CNTLN: variants seen among roughly 807,000 people sequenced by gnomAD.
CNTLN encodes centlein, centrosomal protein.
In CNTLN, 212 loss-of-function variants were observed where a neutral mutation model predicts 180.0. The ratio of observed to expected loss-of-function variants is 1.18; its 90% CI spans 1.05 to 1.32. The LOEUF is 1.32. CNTLN is among the 40% of genes most tolerant of loss of function. The pLI, the probability that CNTLN is intolerant of heterozygous loss-of-function variation, is 0.00. For synonymous variants in CNTLN, 722 were observed against 563.1 expected (o/e 1.28, Z -3.99); for missense variants, 2,095 against 1,610.9 (o/e 1.30, Z -5.14).
intron 18 of CNTLN, among the ~76,000 whole-genome samples, chr9:17,421,345 T>A (rs1230674057): frequency 1.3e-5 from 2 of 152,102 alleles, no homozygotes; most frequent in African/African-American, 4.8e-5. Context: ...CTCTTTATAT[T>A]TTTTTGTCTC....
In CNTLN at chr9:17,298,268, G is replaced by T. The variant is rs201918439; in HGVS notation, c.1062G>T (p.Gln354His). 2.5e-6 allele frequency: 4 copies of T among 1,613,642 alleles called. No individual in the cohort carries two copies. The highest frequency in any genetic ancestry group is 3.4e-6 in the Non-Finnish European group (4 of 1,179,846). The change falls in exon 7 of 26, where the codon CAG (glutamine) becomes CAT (histidine). Residue 354 changes from glutamine to histidine, a missense_variant. Gln to His is a conservative substitution (Grantham distance 24). Coordinates refer to ENST00000380647, the MANE Select transcript of CNTLN (RefSeq NM_017738.4). ...CCCAGCAAGCAGAGCTGATCCAGCA[G>T]CTTCAGGTTCTCAATATGGACACAC... Reference protein sequence around the residue: ...HTAQQAELIQQLQVLNMDTQK... With the variant: ...HTAQQAELIQHLQVLNMDTQK...
Position 17,173,945 on chromosome 9 carries a change from C to T in CNTLN, c.449+30569C>T, listed in dbSNP as rs1189235468. Among the ~76,000 whole-genome samples the T allele has an allele frequency of 2.6e-5, 4 of 152,192 alleles. No individual in the cohort carries two copies. The South Asian group carries it at 6.2e-4, about 24-fold the overall frequency. ...TACAGTCAATGCAGAACAATTCTGT[C>T]ACCATAAGGACCCCTTTTATAACCC... On this transcript the variant is annotated intron_variant, in intron 2 of 25. Coordinates refer to ENST00000380647, the MANE Select transcript of CNTLN (RefSeq NM_017738.4).
chr9:17,305,510 A>T (rs3808791), intron 7 of CNTLN, among the ~76,000 whole-genome samples: 33,554 of 145,694 alleles, frequency 0.23, 4,035 homozygotes, highest in South Asian at 0.38. Flanking sequence ...TAATTTACTC[A>T]CTTGAGCACT....
At chr9:17,524,710 T>C in the CNTLN span, among the ~76,000 whole-genome samples, 3 of 152,258 alleles carry the variant, frequency 2.0e-5, no homozygotes, top group African/African-American at 7.2e-5. Flanking sequence ...TTGTAAACTT[T>C]AAATCCTTCT....
intron 23 of CNTLN, 85 bp downstream of exon 23, chr9:17,466,976 GT>G: frequency 1.1e-6 from 1 of 873,970 alleles, no homozygotes; most frequent in Admixed American, 2.6e-5. Flanking sequence ...GGGGAATAAA[GT>G]TTCTTTCTGC....
chr9:17,423,427 C>G (rs564144731), intron 18 of CNTLN, among the ~76,000 whole-genome samples: 48 of 152,044 alleles, frequency 3.2e-4, no homozygotes, highest in Non-Finnish European at 5.7e-4. Context: ...AGCTTTTACC[C>G]AAGTTGCAAG....
intron 1 of CNTLN, among the ~76,000 whole-genome samples, chr9:17,141,355 G>C (rs148474410): frequency 8.6e-5 from 13 of 150,618 alleles, no homozygotes; most frequent in Admixed American, 2.7e-4. Flanking sequence ...ATAGTAGTCA[G>C]GGGAGAATTC....
chr9:17,273,655 A>C (rs1246253029), intron 5 of CNTLN, 78 bp from the exon 6 acceptor site: 2 of 718,832 alleles, frequency 2.8e-6, no homozygotes, highest in African/African-American at 1.9e-5. Context: ...ATTTTGTAGA[A>C]TAATTAAATA....
intron 12 of CNTLN, among the ~76,000 whole-genome samples, chr9:17,343,013 A>G (rs1821608210): frequency 6.6e-6 from 1 of 152,216 alleles, no homozygotes; most frequent in African/African-American, 2.4e-5. Flanking sequence ...TGCAGAAGAC[A>G]CAAGGGAATT....
At chr9:17,380,165 G>C (rs1017239877) in intron 13 of CNTLN, among the ~76,000 whole-genome samples, 2 of 152,176 alleles carry the variant, frequency 1.3e-5, no homozygotes, top group African/African-American at 4.8e-5. Flanking sequence ...GATCAACATA[G>C]AAATGAGGGT....
chr9:17,290,976 G>A (rs1829359237), intron 6 of CNTLN, among the ~76,000 whole-genome samples: 3 of 152,070 alleles, frequency 2.0e-5, no homozygotes, highest in South Asian at 2.1e-4. Flanking sequence ...CTTCTGTGTC[G>A]CTCATGCTGG....
chr9:17,409,547 A>G, intron 16 of CNTLN, 74 bp downstream of exon 16: 1 of 1,060,736 alleles, frequency 9.4e-7, no homozygotes, highest in Non-Finnish European at 1.3e-6. Flanking sequence ...TTAAGTAAAT[A>G]AATGTTACTA....
At chr9:17,278,073 A>G (rs915299853) in intron 6 of CNTLN, among the ~76,000 whole-genome samples, 1 of 152,168 alleles carries the variant, frequency 6.6e-6, no homozygotes, top group Admixed American at 6.6e-5. Flanking sequence ...CACAGGCACT[A>G]TCAAACTGTG....
chr9:17,326,745 A>C lies in CNTLN; in HGVS notation c.1342-3887A>C, dbSNP rs534461090. Among the ~76,000 whole-genome samples the C allele has an allele frequency of 8.0e-4, 121 of 152,126 alleles. 1 individual carries two copies. The highest frequency in any genetic ancestry group is 1.0e-3 in the Non-Finnish European group (70 of 68,000). On this transcript the variant is annotated intron_variant, in intron 8 of 25. Transcript: ENST00000380647. ...GTGATGAAAATGGCACTTTACCTCTATGATCTTCCTTCTCAAAACTCATAA... is the reference window on the plus strand; with the variant it reads ...GTGATGAAAATGGCACTTTACCTCTCTGATCTTCCTTCTCAAAACTCATAA...
At chr9:17,242,331 AT>A (rs1825544436) in intron 5 of CNTLN, among the ~76,000 whole-genome samples, 1 of 150,102 alleles carries the variant, frequency 6.7e-6, no homozygotes, top group South Asian at 2.2e-4. Context: ...TGTCTTTGAG[AT>A]GGAGTCTCGC....
intron 8 of CNTLN, among the ~76,000 whole-genome samples, chr9:17,324,241 A>G (rs1820113881): frequency 6.6e-6 from 1 of 152,192 alleles, no homozygotes; most frequent in Non-Finnish European, 1.5e-5. Context: ...ACACCACAAA[A>G]AAGTTTAATT....
At chr9:17,291,429 T>C (rs1033138629) in intron 6 of CNTLN, among the ~76,000 whole-genome samples, 1 of 152,150 alleles carries the variant, frequency 6.6e-6, no homozygotes, top group East Asian at 1.9e-4. Flanking sequence ...ACTATTATTG[T>C]GTGGGAGTCT....
chr9:17,342,440 C>A lies in CNTLN; in HGVS notation c.1882C>A (p.Gln628Lys), dbSNP rs777684979. ...FKRENQELMIQKMNLEEELDE... is the reference protein window; with the variant it reads ...FKRENQELMIKKMNLEEELDE... ...AAGGGAAAACCAGGAGCTAATGATT[C>A]AAAAGTGAGTTTCATTTTTAACAAT... Residue 628 changes from glutamine to lysine, a missense_variant, in exon 12 of 26, where the codon CAA becomes AAA. Transcript: ENST00000380647. The A allele has an allele frequency of 6.3e-7, 1 of 1,595,762 alleles. No homozygotes were observed. The highest frequency in any genetic ancestry group is 8.5e-7 in the Non-Finnish European group (1 of 1,174,378).
chr9:17,485,075 T>C (rs1196663133), intron 24 of CNTLN, among the ~76,000 whole-genome samples: 1 of 152,170 alleles, frequency 6.6e-6, no homozygotes, highest in African/African-American at 2.4e-5. Context: ...ATTTTTTACA[T>C]AGCCACTGCC....
Sources: gnomAD v4.1 joint callset for allele counts (sites outside exome capture counted in the v4.1 genomes callset) on GRCh38, gnomAD v4.1.1 for gene constraint, MANE v1.5 for transcripts, NCBI Gene and HGNC (gene_info 2026-07-23, HGNC 2026-07-21) for gene names.